The following NPHS2 variants were observed in gnomAD, a reference collection of about 807,000 sequenced individuals.
The protein encoded by NPHS2 is NPHS2 stomatin family member, podocin.
In NPHS2, 36 loss-of-function variants were observed where a neutral mutation model predicts 37.1. The ratio of observed to expected loss-of-function variants is 0.97; its 90% CI spans 0.74 to 1.28. The LOEUF is 1.28. Ranked by LOEUF, NPHS2 falls within the 50% of genes most tolerant of loss-of-function variation. The pLI, the probability that NPHS2 is intolerant of heterozygous loss-of-function variation, is 0.00. For synonymous variants in NPHS2, 196 were observed against 189.3 expected (o/e 1.04, Z -0.29); for missense variants, 447 against 488.1 (o/e 0.92, Z 0.79).
At chr1:179,567,278 TC>T (rs1674371937) in intron 1 of NPHS2, among the ~76,000 whole-genome samples, 2 of 152,216 alleles carry the variant, frequency 1.3e-5, no homozygotes, top group Non-Finnish European at 2.9e-5. Flanking sequence ...AGGAGGTCCT[TC>T]ACGTCCCTTG....
At chr1:179,572,238 A>G (rs970391641) in intron 1 of NPHS2, among the ~76,000 whole-genome samples, 2 of 152,198 alleles carry the variant, frequency 1.3e-5, no homozygotes, top group Non-Finnish European at 2.9e-5. Context: ...ACATGTCCAG[A>G]GGCTTATCTT....
In NPHS2 at chr1:179,557,008, A is replaced by G; in HGVS notation, c.738+19T>C. 1 of 1,586,310 alleles carries G rather than the reference A, an allele frequency of 6.3e-7. No homozygotes were observed. The highest frequency in any genetic ancestry group is 1.1e-5 in the South Asian group (1 of 89,830). On this transcript the variant is annotated intron_variant, in intron 5 of 7. Coordinates refer to ENST00000367615, the MANE Select transcript of NPHS2 (RefSeq NM_014625.4). Reference sequence around the variant, plus strand: ...AGATAAATATTTCAGCATATTGGCCATTATGTTTATCTAAGTACCTTTGCA... The same window carrying G: ...AGATAAATATTTCAGCATATTGGCCGTTATGTTTATCTAAGTACCTTTGCA...
chr1:179,575,902 A>G lies in NPHS2; in HGVS notation c.-38T>C. The stretch of plus-strand genomic sequence containing the variant: ...CGGGCGGCTGGAGCAGCAGCGCGGG[A>G]GCGCTAGGGGCACGGGAGCGCAGTC... On this transcript the variant is annotated 5_prime_UTR_variant, in exon 1 of 8. Transcript: ENST00000367615. The G allele has an allele frequency of 7.3e-7, 1 of 1,373,532 alleles. No homozygotes were observed. The highest frequency in any genetic ancestry group is 9.3e-7 in the Non-Finnish European group (1 of 1,072,006). The allele number at this position is 1,373,532 out of a possible 1,614,324, so 85.1% of individuals were successfully genotyped here. A position where few individuals can be genotyped will look rare whatever the true frequency, so the allele number is the denominator to read the frequency against.
intron 4 of NPHS2, among the ~76,000 whole-genome samples, chr1:179,557,587 C>G (rs578238731): frequency 1.9e-4 from 29 of 152,238 alleles, no homozygotes; most frequent in Admixed American, 1.6e-3. Context: ...GTGTTGCTCG[C>G]TAGAGTGTAC....
intron 1 of NPHS2, among the ~76,000 whole-genome samples, chr1:179,565,496 C>G (rs1180028326): frequency 3.3e-5 from 5 of 152,168 alleles, no homozygotes; most frequent in Non-Finnish European, 7.3e-5. Context: ...TCACCTATCT[C>G]TGGCAGAAGG....
chr1:179,569,874 ACT>A (rs1205641098), intron 1 of NPHS2, among the ~76,000 whole-genome samples: 2 of 152,008 alleles, frequency 1.3e-5, no homozygotes, highest in Non-Finnish European at 2.9e-5. Context: ...GTAGGCCCCC[ACT>A]CTCTTCTAGC....
intron 2 of NPHS2, among the ~76,000 whole-genome samples, chr1:179,563,974 A>T (rs1042676501): frequency 5.3e-5 from 8 of 152,170 alleles, no homozygotes; most frequent in East Asian, 1.9e-4. Flanking sequence ...GGGCCGTGCC[A>T]TTTCTGCCCA....
At chr1:179,561,861 A>G (rs1042371673) in intron 2 of NPHS2, among the ~76,000 whole-genome samples, 4 of 151,958 alleles carry the variant, frequency 2.6e-5, no homozygotes, top group African/African-American at 9.7e-5. Flanking sequence ...ACTGGAGTGC[A>G]GTGGCATGAT....
At chr1:179,567,714 G>T (rs189118812) in intron 1 of NPHS2, among the ~76,000 whole-genome samples, 1 of 152,126 alleles carries the variant, frequency 6.6e-6, no homozygotes, top group Admixed American at 6.5e-5. Flanking sequence ...GTCCTAAATA[G>T]CTCTTATTAT....
rs963296113 is a variant in NPHS2, at chr1:179,556,754, T to C, written c.738+273A>G. On this transcript the variant is annotated intron_variant, in intron 5 of 7. Coordinates refer to ENST00000367615, the MANE Select transcript of NPHS2 (RefSeq NM_014625.4). This position sits in a 1 kb window ranked among gnomAD's most constrained non-coding sequence, Gnocchi z 4.1. The stretch of plus-strand genomic sequence containing the variant: ...CGTTCCTGCCAGCAATCATTCTGAA[T>C]ACTTAATACTAGGTGAGTACTTGGA... Among the ~76,000 whole-genome samples the C allele has an allele frequency of 1.3e-5, 2 of 152,094 alleles. No homozygotes were observed. Among genetic ancestry groups the C allele is most frequent in the Non-Finnish European group, 2.9e-5 (2 of 68,014 alleles).
At chr1:179,572,170 A>C (rs1674590918) in intron 1 of NPHS2, among the ~76,000 whole-genome samples, 1 of 152,128 alleles carries the variant, frequency 6.6e-6, no homozygotes, top group East Asian at 1.9e-4. Context: ...GGCGCTGTAG[A>C]CCGGAGCTGT....
At chr1:179,571,652 G>A (rs1674564182) in intron 1 of NPHS2, among the ~76,000 whole-genome samples, 1 of 152,224 alleles carries the variant, frequency 6.6e-6, no homozygotes. Flanking sequence ...GCTGCCTTTT[G>A]TTCACCTATG....
intron 2 of NPHS2, 51 bp downstream of exon 2, chr1:179,564,639 G>T: frequency 1.4e-6 from 2 of 1,421,148 alleles, no homozygotes; most frequent in Non-Finnish European, 2.0e-6. Flanking sequence ...GCATGGTGTG[G>T]CCAGTGAGAG....
intron 4 of NPHS2, among the ~76,000 whole-genome samples, chr1:179,558,371 A>G (rs1674015389): frequency 6.6e-6 from 1 of 152,072 alleles, no homozygotes; most frequent in African/African-American, 2.4e-5. Context: ...CAGTCAGCAT[A>G]ATGTCCTCAA....
At chr1:179,562,847 G>A (rs1196817554) in intron 2 of NPHS2, among the ~76,000 whole-genome samples, 1 of 152,186 alleles carries the variant, frequency 6.6e-6, no homozygotes, top group East Asian at 1.9e-4. Context: ...TCTCCCCAGA[G>A]ATGAAGGGGA....
chr1:179,566,950 C>T (rs937589028), intron 1 of NPHS2, among the ~76,000 whole-genome samples: 1 of 152,170 alleles, frequency 6.6e-6, no homozygotes, highest in African/African-American at 2.4e-5. Flanking sequence ...CAATACCATG[C>T]TGTTTTGGTT....
At chr1:179,557,307 G>A (rs1673973596) in intron 4 of NPHS2, 77 bp from the exon 5 acceptor site, 2 of 1,156,800 alleles carry the variant, frequency 1.7e-6, no homozygotes, top group Non-Finnish European at 2.6e-6. Flanking sequence ...AACTAAATGT[G>A]TTCAAAGTGA....
intron 1 of NPHS2, among the ~76,000 whole-genome samples, chr1:179,567,717 C>G (rs1674389189): frequency 6.6e-6 from 1 of 152,080 alleles, no homozygotes; most frequent in African/African-American, 2.4e-5. Context: ...CTAAATAGCT[C>G]TTATTATTTT....
At chr1:179,553,276 G>T (rs1295421132) in intron 6 of NPHS2, among the ~76,000 whole-genome samples, 1 of 152,178 alleles carries the variant, frequency 6.6e-6, no homozygotes, top group Non-Finnish European at 1.5e-5. Context: ...CAAGATAATT[G>T]AAAACGTGTT....
Sources: gnomAD v4.1 joint callset for allele counts (sites outside exome capture counted in the v4.1 genomes callset) on GRCh38, gnomAD v4.1.1 for gene constraint, Gnocchi (gnomAD v3.1) non-coding constraint, MANE v1.5 for transcripts, NCBI Gene and HGNC (gene_info 2026-07-23, HGNC 2026-07-21) for gene names.